C6: variants seen among roughly 807,000 people sequenced by gnomAD.
C6 encodes complement component C6.
Under a neutral mutation model 112.9 loss-of-function variants are expected in C6, and 101 were observed. That is an observed-to-expected ratio of 0.89 (90% CI 0.76 to 1.06). The LOEUF (loss-of-function observed/expected upper bound fraction) is 1.06, where lower values mean the gene tolerates loss of function less well. Among genes scored for constraint, C6 ranks in the 50% least tolerant of loss-of-function variants. The pLI, the probability that C6 is intolerant of heterozygous loss-of-function variation, is 0.00. For missense variants in C6, 1,202 were observed against 1,104.6 expected (o/e 1.09, Z -1.25); for synonymous variants, 431 against 384.1 (o/e 1.12, Z -1.43).
rs1243409268 is a variant in C6, at chr5:41,236,089, C to T, written c.-21+25105G>A. 9.4e-4 allele frequency among the ~76,000 whole-genome samples: 70 copies of T among 74,836 alleles called. 1 individual carries two copies. The highest frequency in any genetic ancestry group is 5.8e-4 in the Non-Finnish European group (23 of 39,348). 49.1% of individuals were successfully genotyped at this position (74,836 alleles called of 152,430 possible). ...AGAAGCTCTTTAGTTTAATTAGATC[C>T]CATTTGTCAATTTTGGCTTTTGTTG... is the stretch of plus-strand genomic sequence containing the variant. On this transcript the variant is annotated intron_variant, in intron 1 of 17. Coordinates refer to the C6 transcript ENST00000263413.
Position 41,195,207 on chromosome 5 carries a change from C to T in C6, c.587+585G>A, listed in dbSNP as rs143879822. The stretch of plus-strand genomic sequence containing the variant: ...ATTCACTTCACCTCTTACTCTCTTA[C>T]GTTTTCACACCCTTGTTGCTTAGCC... On this transcript the variant is annotated intron_variant, in intron 5 of 17. Coordinates refer to ENST00000337836, the MANE Select transcript of C6 (RefSeq NM_000065.5). Among the ~76,000 whole-genome samples the T allele has an allele frequency of 1.4e-3, 211 of 152,302 alleles. 6 individuals carry two copies. The East Asian group carries it at 0.038, about 27-fold the overall frequency.
At chr5:41,175,995 A>G (rs953614304) in intron 8 of C6, among the ~76,000 whole-genome samples, 2 of 152,154 alleles carry the variant, frequency 1.3e-5, no homozygotes, top group East Asian at 1.9e-4. Context: ...TTCTTTCATC[A>G]TATGTTTCAT....
At chr5:41,229,321 C>T (rs993880252) in intron 1 of C6, among the ~76,000 whole-genome samples, 2 of 146,802 alleles carry the variant, frequency 1.4e-5, no homozygotes, top group Non-Finnish European at 1.5e-5. Flanking sequence ...TCTCTATAAA[C>T]TTCATTCAGA....
intron 7 of C6, among the ~76,000 whole-genome samples, chr5:41,180,459 G>A (rs1749237699): frequency 6.6e-6 from 1 of 152,086 alleles, no homozygotes; most frequent in African/African-American, 2.4e-5. Flanking sequence ...ACATATCTAA[G>A]AGATTTAAAA....
At chr5:41,238,664 A>T (rs1740487904) in intron 1 of C6, among the ~76,000 whole-genome samples, 1 of 152,200 alleles carries the variant, frequency 6.6e-6, no homozygotes, top group Non-Finnish European at 1.5e-5. Flanking sequence ...GATAATTTTT[A>T]TGGTGTAATA....
chr5:41,210,055 T>C (rs966745587), intron 1 of C6, among the ~76,000 whole-genome samples: 2 of 152,096 alleles, frequency 1.3e-5, no homozygotes, highest in African/African-American at 4.8e-5. Flanking sequence ...CCCTCAGAAA[T>C]AATACCACAC....
Position 41,244,178 on chromosome 5 carries a change from A to G in C6, c.-21+17016T>C, listed in dbSNP as rs569942452. ...GTTTTATAATAAAGTTGCAAAAGCA[A>G]CGTTGTAAATATGAACATTCTAAAC... On this transcript the variant is annotated intron_variant, in intron 1 of 17. Transcript: ENST00000263413. Among the ~76,000 whole-genome samples the G allele has an allele frequency of 3.3e-5, 5 of 152,366 alleles. 1 individual carries two copies. The highest frequency in any genetic ancestry group is 5.9e-5 in the Non-Finnish European group (4 of 68,040).
chr5:41,214,071 A>G (rs1752098452), upstream of C6, among the ~76,000 whole-genome samples: 1 of 152,170 alleles, frequency 6.6e-6, no homozygotes, highest in South Asian at 2.1e-4. Context: ...ATTTAACTTT[A>G]GATTGAAGTA....
intron 1 of C6, among the ~76,000 whole-genome samples, chr5:41,258,959 T>G (rs1488763242): frequency 6.6e-6 from 1 of 152,148 alleles, no homozygotes; most frequent in Non-Finnish European, 1.5e-5. Context: ...GTGGGGATTA[T>G]GAGGATTACA....
chr5:41,195,976 T>C, intron 4 of C6, 43 bp from the exon 5 acceptor site: 1 of 1,607,570 alleles, frequency 6.2e-7, no homozygotes, highest in Non-Finnish European at 8.5e-7. Context: ...CAAATTATCA[T>C]TTTAGAAAGT....
intron 17 of C6, among the ~76,000 whole-genome samples, chr5:41,147,161 T>C (rs1360406422): frequency 1.3e-5 from 2 of 152,196 alleles, no homozygotes; most frequent in Admixed American, 6.5e-5. Flanking sequence ...AAAATAAAAA[T>C]GATGTTGTAT....
intron 6 of C6, among the ~76,000 whole-genome samples, chr5:41,182,866 T>C (rs905351337): frequency 2.0e-5 from 3 of 152,202 alleles, no homozygotes; most frequent in Non-Finnish European, 4.4e-5. Context: ...AAAGATTAGC[T>C]CAGGTAGCTT....
At chr5:41,255,220 G>T (rs1741615292) in intron 1 of C6, among the ~76,000 whole-genome samples, 1 of 152,038 alleles carries the variant, frequency 6.6e-6, no homozygotes, top group Non-Finnish European at 1.5e-5. Flanking sequence ...AATTAGGCGG[G>T]CATGGTGGTG....
At chr5:41,168,307 C>G (rs1204167115) in intron 9 of C6, among the ~76,000 whole-genome samples, 1 of 152,092 alleles carries the variant, frequency 6.6e-6, no homozygotes, top group African/African-American at 2.4e-5. Context: ...AGTGGGCCAG[C>G]CAAAGCAAAA....
chr5:41,248,466 C>A (rs2150435044), intron 1 of C6, among the ~76,000 whole-genome samples: 1 of 152,236 alleles, frequency 6.6e-6, no homozygotes, highest in South Asian at 2.1e-4. Flanking sequence ...GGAACTTAAA[C>A]AATTGAAGGA....
chr5:41,156,501 C>G (rs1746927391), intron 13 of C6, among the ~76,000 whole-genome samples: 1 of 152,156 alleles, frequency 6.6e-6, no homozygotes, highest in Admixed American at 6.6e-5. Flanking sequence ...CATTATCCTT[C>G]TTAAGGAGCT....
At chr5:41,244,472 C>T (rs930523076) in intron 1 of C6, among the ~76,000 whole-genome samples, 1 of 152,222 alleles carries the variant, frequency 6.6e-6, no homozygotes, top group African/African-American at 2.4e-5. Context: ...GGGTCTAACT[C>T]AAGCAGTGAG....
chr5:41,243,150 T>C (rs1484614176), intron 1 of C6, among the ~76,000 whole-genome samples: 4 of 152,234 alleles, frequency 2.6e-5, no homozygotes, highest in Non-Finnish European at 5.9e-5. Flanking sequence ...AAGTTTCAAA[T>C]GTTCTCATCA....
chr5:41,142,535 G>T lies in C6; in HGVS notation c.*290C>A. On this transcript the variant is annotated 3_prime_UTR_variant, in exon 18 of 18. Transcript: ENST00000337836. ...TGCTTAATGTCACAGGCTACATAAG[G>T]GCCTCAGAAGTCACATTATTTTTGT... is the stretch of plus-strand genomic sequence containing the variant. 1 of 420,444 alleles carries T rather than the reference G, an allele frequency of 2.4e-6. No homozygotes were observed. Among genetic ancestry groups the T allele is most frequent in the Non-Finnish European group, 4.4e-6 (1 of 227,468 alleles). The allele number at this position is 420,444 out of a possible 1,614,324, so 26.0% of individuals were successfully genotyped here.
Sources: allele counts gnomAD v4.1 joint callset (sites outside exome capture counted in the v4.1 genomes callset), GRCh38; gene constraint gnomAD v4.1.1; transcripts MANE v1.5; gene names NCBI Gene and HGNC (gene_info 2026-07-23, HGNC 2026-07-21).